Variants in PPP2R5A observed in about 807,000 individuals in gnomAD.
PPP2R5A encodes protein phosphatase 2 regulatory subunit B'alpha.
Under a neutral mutation model 64.2 loss-of-function variants are expected in PPP2R5A, and 25 were observed. The ratio of observed to expected loss-of-function variants is 0.39; its 90% CI spans 0.28 to 0.54. The LOEUF is 0.54. Ranked by LOEUF, PPP2R5A falls within the 20% of genes least tolerant of loss-of-function variation. The probability of loss-of-function intolerance (pLI) is 0.67; values close to 1 mark genes in which losing one functional copy is unlikely to be tolerated. For missense variants in PPP2R5A, 425 were observed against 576.3 expected (o/e 0.74, Z 2.69); for synonymous variants, 198 against 201.2 (o/e 0.98, Z 0.13).
intron 1 of PPP2R5A, among the ~76,000 whole-genome samples, chr1:212,320,686 T>C (rs1363823504): frequency 9.9e-6 from 1 of 101,180 alleles, no homozygotes; most frequent in Non-Finnish European, 2.4e-5. Flanking sequence ...GGCGGGGGGC[T>C]GACCCCCCCA....
chr1:212,351,093 G>A (rs1369718315), intron 8 of PPP2R5A, among the ~76,000 whole-genome samples: 3 of 141,292 alleles, frequency 2.1e-5, no homozygotes, highest in Non-Finnish European at 4.5e-5. Flanking sequence ...ACAGTGAGCC[G>A]AGATGACACA....
intron 2 of PPP2R5A, among the ~76,000 whole-genome samples, chr1:212,329,822 C>T (rs1340073917): frequency 6.6e-6 from 1 of 152,000 alleles, no homozygotes; most frequent in Non-Finnish European, 1.5e-5. Context: ...ATTTTTGTAT[C>T]TTCAGTAGAG....
chr1:212,294,418 G>C (rs1022458103), intron 1 of PPP2R5A, among the ~76,000 whole-genome samples: 1 of 152,074 alleles, frequency 6.6e-6, no homozygotes, highest in Admixed American at 6.6e-5. Flanking sequence ...AGTAAAATAA[G>C]ACATAACTTC....
chr1:212,317,726 G>A lies in PPP2R5A; in HGVS notation c.182-11409G>A, dbSNP rs556991274. On this transcript the variant is annotated intron_variant, in intron 1 of 12. Coordinates refer to ENST00000261461, the MANE Select transcript of PPP2R5A (RefSeq NM_006243.4). Reference sequence around the variant, plus strand: ...GCCAGGGCCAGGTTCAGTGGCTTACGCCTGTAATCCCAGCATTTTAGGAGG... The same window carrying A: ...GCCAGGGCCAGGTTCAGTGGCTTACACCTGTAATCCCAGCATTTTAGGAGG... Among the ~76,000 whole-genome samples, 7 of 152,142 alleles carry A rather than the reference G, an allele frequency of 4.6e-5. No individual in the cohort carries two copies. The South Asian group carries it at 1.5e-3, about 32-fold the overall frequency.
At chr1:212,342,049 C>A in intron 3 of PPP2R5A, 139 bp from the exon 4 acceptor site, 1 of 1,256,368 alleles carries the variant, frequency 8.0e-7, no homozygotes, top group Non-Finnish European at 1.0e-6. Context: ...TTTTTTTTAT[C>A]AACTCATTAC....
At chr1:212,319,751 G>A (rs1659230766) in intron 1 of PPP2R5A, among the ~76,000 whole-genome samples, 1 of 151,026 alleles carries the variant, frequency 6.6e-6, no homozygotes, top group Non-Finnish European at 1.5e-5. Flanking sequence ...CTCCCGAGTA[G>A]CTGGGATTAC....
At chr1:212,301,821 T>A in intron 1 of PPP2R5A, 1 of 1,221,428 alleles carries the variant, frequency 8.2e-7, no homozygotes, top group Non-Finnish European at 1.0e-6. Flanking sequence ...ACAGTGCTTG[T>A]TCTATAATTT....
intron 5 of PPP2R5A, 121 bp from the exon 6 acceptor site, chr1:212,347,226 A>C: frequency 1.4e-6 from 1 of 714,220 alleles, no homozygotes; most frequent in Non-Finnish European, 2.4e-6. Context: ...TATAAGACCC[A>C]AAACATGCTT....
At chr1:212,303,641 G>A (rs1323065396) in intron 1 of PPP2R5A, among the ~76,000 whole-genome samples, 1 of 152,020 alleles carries the variant, frequency 6.6e-6, no homozygotes, top group Non-Finnish European at 1.5e-5. Context: ...GATTTACTCT[G>A]TGTTTTCTTC....
At chr1:212,308,781 T>C (rs1009506003) in intron 1 of PPP2R5A, among the ~76,000 whole-genome samples, 1 of 152,186 alleles carries the variant, frequency 6.6e-6, no homozygotes, top group Non-Finnish European at 1.5e-5. Flanking sequence ...CTTTTTTCTT[T>C]CTGTTCTTCA....
intron 2 of PPP2R5A, among the ~76,000 whole-genome samples, chr1:212,332,936 C>T (rs550805066): frequency 4.1e-4 from 62 of 151,050 alleles, no homozygotes; most frequent in African/African-American, 1.5e-3. Flanking sequence ...GGGTCTGGCT[C>T]TGTCACCCAG....
chr1:212,296,084 C>G (rs1658686630), intron 1 of PPP2R5A, among the ~76,000 whole-genome samples: 1 of 151,776 alleles, frequency 6.6e-6, no homozygotes, highest in African/African-American at 2.4e-5. Context: ...TGAGATATAT[C>G]TTAGATAGGA....
At chr1:212,286,359 G>A in intron 1 of PPP2R5A, 68 bp downstream of exon 1, 1 of 1,384,256 alleles carries the variant, frequency 7.2e-7, no homozygotes, top group Non-Finnish European at 9.3e-7. Flanking sequence ...TGCGCCAGCA[G>A]AGCCATTTCC....
chr1:212,339,856 A>G lies in PPP2R5A; in HGVS notation c.481-2332A>G, dbSNP rs534887385. Among the ~76,000 whole-genome samples the G allele has an allele frequency of 2.0e-5, 3 of 152,152 alleles. No individual in the cohort carries two copies. The East Asian group carries it at 5.8e-4, about 29-fold the overall frequency. ...GAGTAAATAGGCTAATGCATGCCAC[A>G]TTTGGCTCATGTTTAATGTTTAACC... On this transcript the variant is annotated intron_variant, in intron 3 of 12. Transcript: ENST00000261461.
At chr1:212,349,880 A>T (rs1659845682) in intron 8 of PPP2R5A, among the ~76,000 whole-genome samples, 1 of 152,252 alleles carries the variant, frequency 6.6e-6, no homozygotes, top group African/African-American at 2.4e-5. Flanking sequence ...AAGTAGGGTG[A>T]AACAGAAAAG....
At chr1:212,334,607 A>T (rs1659560183) in intron 3 of PPP2R5A, among the ~76,000 whole-genome samples, 1 of 152,206 alleles carries the variant, frequency 6.6e-6, no homozygotes, top group Non-Finnish European at 1.5e-5. Flanking sequence ...GTGTTTATCT[A>T]GGAATGTCTT....
At chr1:212,299,859 C>CTGGA (rs1658768003) in intron 1 of PPP2R5A, among the ~76,000 whole-genome samples, 1 of 150,996 alleles carries the variant, frequency 6.6e-6, no homozygotes, top group Non-Finnish European at 1.5e-5. Context: ...GTCCCCCAGG[C>CTGGA]TGGAGTACAG....
chr1:212,347,477 G>T, intron 6 of PPP2R5A, 71 bp downstream of exon 6: 1 of 1,164,434 alleles, frequency 8.6e-7, no homozygotes, highest in Non-Finnish European at 1.3e-6. Flanking sequence ...ATCTTAGCTG[G>T]GGTTGGAGAA....
intron 1 of PPP2R5A, among the ~76,000 whole-genome samples, chr1:212,306,463 T>C (rs1044492246): frequency 1.3e-5 from 2 of 152,186 alleles, no homozygotes; most frequent in Non-Finnish European, 2.9e-5. Context: ...TTTAAAAATA[T>C]ATACAGTTTG....
Sources: gnomAD v4.1 joint callset for allele counts (sites outside exome capture counted in the v4.1 genomes callset) on GRCh38, gnomAD v4.1.1 for gene constraint, MANE v1.5 for transcripts, NCBI Gene and HGNC (gene_info 2026-07-23, HGNC 2026-07-21) for gene names.